The following MARCHF1 variants were observed in gnomAD, a reference collection of about 807,000 sequenced individuals.
MARCHF1 encodes membrane associated ring-CH-type finger 1, also known as E3 ubiquitin-protein ligase MARCHF1.
In MARCHF1, 40 loss-of-function variants were observed where a neutral mutation model predicts 54.2. The observed-to-expected ratio is 0.74, with a 90% confidence interval of 0.57 to 0.96. The LOEUF is 0.96. MARCHF1 is among the 40% of genes least tolerant of loss of function. The pLI is 0.00. For missense variants in MARCHF1, 586 were observed against 656.5 expected (o/e 0.89, Z 1.17); for synonymous variants, 236 against 236.3 (o/e 1.00, Z 0.01).
At position 164,184,558 on chromosome 4, in the gene MARCHF1, CAAG is replaced by C. The variant is rs547654031; in HGVS notation, c.-322-72899_-322-72897del. Among the ~76,000 whole-genome samples, 12 of 152,302 alleles carry C rather than the reference CAAG, an allele frequency of 7.9e-5. No homozygotes were observed. The South Asian group carries it at 2.1e-3, about 26-fold the overall frequency. ...AAGGGTTATACCAGTTAAATAGTAG[CAAG>C]AAGTCTGCCTAACCTATTGATAGAA... On this transcript the variant is annotated intron_variant, in intron 1 of 9. Transcript: ENST00000514618.
intron 1 of MARCHF1, among the ~76,000 whole-genome samples, chr4:164,306,764 A>T (rs1734707077): frequency 1.3e-5 from 2 of 152,288 alleles, no homozygotes; most frequent in South Asian, 2.1e-4. Flanking sequence ...TTTATCACTG[A>T]TCTGGAAAAG....
intron 1 of MARCHF1, among the ~76,000 whole-genome samples, chr4:164,267,162 A>G (rs1733631554): frequency 6.6e-6 from 1 of 152,162 alleles, no homozygotes; most frequent in Non-Finnish European, 1.5e-5. Context: ...AGACCAGAAA[A>G]GATAGCACAT....
chr4:163,759,855 C>T (rs921264301), intron 4 of MARCHF1, among the ~76,000 whole-genome samples: 3 of 152,142 alleles, frequency 2.0e-5, no homozygotes, highest in Non-Finnish European at 4.4e-5. Context: ...TCTTCACTTT[C>T]GGTAGGGTTG....
chr4:164,014,340 A>T (rs1404618088), intron 2 of MARCHF1, among the ~76,000 whole-genome samples: 1 of 152,182 alleles, frequency 6.6e-6, no homozygotes. Context: ...GGTTCAAACT[A>T]ATTTGTATAA....
chr4:163,594,735 C>T (rs1740702960), intron 7 of MARCHF1, among the ~76,000 whole-genome samples: 2 of 145,970 alleles, frequency 1.4e-5, no homozygotes, highest in Admixed American at 1.4e-4. Context: ...TCGCACCCAT[C>T]AGAATGGCTA....
At chr4:163,924,592 T>A (rs955353907) in intron 3 of MARCHF1, among the ~76,000 whole-genome samples, 8 of 152,002 alleles carry the variant, frequency 5.3e-5, no homozygotes, top group Admixed American at 3.9e-4. Context: ...TGACAAGAAT[T>A]TATCTTATGA....
chr4:163,986,246 CTTCTTTTTTT>C (rs771831731), intron 3 of MARCHF1, among the ~76,000 whole-genome samples: 19,647 of 73,500 alleles, frequency 0.27, 3,573 homozygotes, highest in South Asian at 0.45. Flanking sequence ...TAATTAACCT[CTTCTTTTTTT>C]TTTTTTTTTT....
intron 2 of MARCHF1, among the ~76,000 whole-genome samples, chr4:164,060,770 TAAAC>T (rs1212916316): frequency 6.6e-6 from 1 of 152,168 alleles, no homozygotes; most frequent in Non-Finnish European, 1.5e-5. Flanking sequence ...CAGTTGCAAT[TAAAC>T]AAAGATTAAA....
chr4:164,274,226 G>A (rs1375511005), intron 1 of MARCHF1, among the ~76,000 whole-genome samples: 1 of 152,176 alleles, frequency 6.6e-6, no homozygotes, highest in African/African-American at 2.4e-5. Context: ...CGAGTAAGTG[G>A]ATAGAAAATC....
intron 5 of MARCHF1, among the ~76,000 whole-genome samples, chr4:163,636,861 G>T (rs1449239919): frequency 2.6e-5 from 4 of 152,226 alleles, no homozygotes; most frequent in South Asian, 2.1e-4. Context: ...CAAGGCTACA[G>T]TAACCAAAAC....
At chr4:164,049,645 A>C (rs1754316912) in intron 2 of MARCHF1, among the ~76,000 whole-genome samples, 1 of 152,190 alleles carries the variant, frequency 6.6e-6, no homozygotes, top group Non-Finnish European at 1.5e-5. Context: ...TTTCTAAATA[A>C]AATTGACAAA....
At position 163,525,810 on chromosome 4, in the gene MARCHF1, C is replaced by T. The variant is rs1738083999; in HGVS notation, c.*2938G>A. ...TTTCTTTTTGAAGGGTATAGTCAGT[C>T]AGTCTACAAAAAAGCACTGCCACAA... On this transcript the variant is annotated 3_prime_UTR_variant, in exon 10 of 10. Coordinates refer to ENST00000514618, the MANE Select transcript of MARCHF1 (RefSeq NM_001394959.1). The T allele has an allele frequency of 2.0e-5, 3 of 151,940 alleles. 1 individual carries two copies. In the South Asian group the frequency reaches 6.2e-4, roughly 31 times the overall value. 9.4% of individuals were successfully genotyped at this position (151,940 alleles called of 1,614,324 possible). A position where few individuals can be genotyped will look rare whatever the true frequency, so the allele number is the denominator to read the frequency against.
At chr4:163,937,033 C>A (rs1751811529) in intron 3 of MARCHF1, among the ~76,000 whole-genome samples, 1 of 152,102 alleles carries the variant, frequency 6.6e-6, no homozygotes, top group South Asian at 2.1e-4. Context: ...TTCTCCCTAA[C>A]AAGGGTGGTA....
At chr4:163,723,055 T>G (rs369788204) in intron 4 of MARCHF1, among the ~76,000 whole-genome samples, 17 of 152,156 alleles carry the variant, frequency 1.1e-4, no homozygotes, top group East Asian at 3.9e-4. Flanking sequence ...GTGTGAATTT[T>G]ATCCTGTCAT....
chr4:163,724,713 G>A (rs749262070), intron 4 of MARCHF1, among the ~76,000 whole-genome samples: 4 of 152,148 alleles, frequency 2.6e-5, no homozygotes, highest in Non-Finnish European at 4.4e-5. Flanking sequence ...CATGGTGGGC[G>A]CCCCTCCCTC....
At chr4:163,667,919 G>A (rs79619165) in intron 5 of MARCHF1, among the ~76,000 whole-genome samples, 4,218 of 152,122 alleles carry the variant, frequency 0.028, 179 homozygotes, top group African/African-American at 0.096. Flanking sequence ...GAGCCACAGC[G>A]CCTGGCTGCC....
chr4:163,771,826 C>G (rs919926387), intron 4 of MARCHF1, among the ~76,000 whole-genome samples: 1 of 152,180 alleles, frequency 6.6e-6, no homozygotes, highest in Non-Finnish European at 1.5e-5. Flanking sequence ...CATTTTCCCC[C>G]TTTCAGGTTC....
At chr4:163,895,736 C>A (rs1017865941) in intron 3 of MARCHF1, among the ~76,000 whole-genome samples, 2 of 152,154 alleles carry the variant, frequency 1.3e-5, no homozygotes, top group Non-Finnish European at 2.9e-5. Flanking sequence ...TCTTAATCTT[C>A]TGATTTATAA....
intron 4 of MARCHF1, among the ~76,000 whole-genome samples, chr4:163,744,770 C>T (rs1040299435): frequency 2.6e-5 from 4 of 151,814 alleles, no homozygotes; most frequent in African/African-American, 9.7e-5. Flanking sequence ...ATGTATGTGC[C>T]TCATTTCACA....
Sources: gnomAD v4.1 joint callset for allele counts (sites outside exome capture counted in the v4.1 genomes callset) on GRCh38, gnomAD v4.1.1 for gene constraint, MANE v1.5 for transcripts, NCBI Gene and HGNC (gene_info 2026-07-23, HGNC 2026-07-21) for gene names.